IMMP2L: variants seen among roughly 807,000 people sequenced by gnomAD.
IMMP2L encodes mitochondrial inner membrane protease subunit 2.
In IMMP2L, 18 loss-of-function variants were observed where a neutral mutation model predicts 19.3. The ratio of observed to expected loss-of-function variants is 0.93; its 90% confidence interval spans 0.64 to 1.38. IMMP2L has a LOEUF of 1.38. Ranked by LOEUF, IMMP2L falls within the 40% of genes most tolerant of loss-of-function variation. The probability of loss-of-function intolerance (pLI) is 0.00; values close to 1 mark genes in which losing one functional copy is unlikely to be tolerated. For missense variants in IMMP2L, 233 were observed against 218.2 expected (o/e 1.07, Z -0.43); for synonymous variants, 76 against 73.0 (o/e 1.04, Z -0.21).
At chr7:110,901,356 A>T (rs1382472809) in intron 4 of IMMP2L, among the ~76,000 whole-genome samples, 1 of 152,180 alleles carries the variant, frequency 6.6e-6, no homozygotes, top group African/African-American at 2.4e-5. Flanking sequence ...GGATTCTGGT[A>T]GTAGTCCTCT....
chr7:111,268,692 A>T (rs372158119), intron 3 of IMMP2L, among the ~76,000 whole-genome samples: 1 of 143,414 alleles, frequency 7.0e-6, no homozygotes, highest in South Asian at 2.2e-4. Context: ...TCCTGTGCTC[A>T]AACAATCCTC....
At chr7:111,394,708 A>C (rs1832702069) in intron 3 of IMMP2L, among the ~76,000 whole-genome samples, 1 of 152,170 alleles carries the variant, frequency 6.6e-6, no homozygotes, top group Non-Finnish European at 1.5e-5. Flanking sequence ...ACTAGCTACC[A>C]AATCAAAAAC....
At chr7:111,359,883 A>C (rs1829096638) in intron 3 of IMMP2L, among the ~76,000 whole-genome samples, 1 of 152,116 alleles carries the variant, frequency 6.6e-6, no homozygotes, top group South Asian at 2.1e-4. Context: ...TGAAAGATAA[A>C]TAGATGGTTA....
intron 3 of IMMP2L, among the ~76,000 whole-genome samples, chr7:111,179,256 A>G (rs1807432471): frequency 6.6e-6 from 1 of 152,098 alleles, no homozygotes; most frequent in Non-Finnish European, 1.5e-5. Context: ...AATATTTAGT[A>G]AACCATGCTA....
At chr7:111,239,587 T>C (rs1261624169) in intron 3 of IMMP2L, among the ~76,000 whole-genome samples, 2 of 151,960 alleles carry the variant, frequency 1.3e-5, no homozygotes, top group Non-Finnish European at 2.9e-5. Context: ...GACAACCACA[T>C]GATGCAGAAT....
chr7:110,715,744 G>GCC (rs537161605), intron 5 of IMMP2L, among the ~76,000 whole-genome samples: 231 of 152,202 alleles, frequency 1.5e-3, no homozygotes, highest in Non-Finnish European at 2.2e-3. Context: ...GATGGGTTGA[G>GCC]CGCTCTGTAG....
At chr7:111,191,848 A>G (rs1271507319) in intron 3 of IMMP2L, among the ~76,000 whole-genome samples, 1 of 152,096 alleles carries the variant, frequency 6.6e-6, no homozygotes, top group Admixed American at 6.6e-5. Context: ...GGTTAAGGAT[A>G]AGTCCATTTA....
At chr7:111,080,527 A>C (rs1795803871) in intron 3 of IMMP2L, among the ~76,000 whole-genome samples, 1 of 151,868 alleles carries the variant, frequency 6.6e-6, no homozygotes, top group South Asian at 2.1e-4. Flanking sequence ...TATAATATAT[A>C]TTACATATGT....
intron 4 of IMMP2L, among the ~76,000 whole-genome samples, chr7:110,919,174 T>C (rs1813977182): frequency 6.6e-6 from 1 of 150,696 alleles, no homozygotes; most frequent in Admixed American, 6.6e-5. Flanking sequence ...ACTTTCCCTT[T>C]TCAGTATATT....
chr7:111,375,940 C>T (rs542457343), intron 3 of IMMP2L, among the ~76,000 whole-genome samples: 2 of 152,172 alleles, frequency 1.3e-5, no homozygotes, highest in South Asian at 4.1e-4. Flanking sequence ...AATAGTAATA[C>T]AAGAAACCTA....
At chr7:111,290,394 T>C (rs145693396) in intron 3 of IMMP2L, among the ~76,000 whole-genome samples, 26 of 152,298 alleles carry the variant, frequency 1.7e-4, no homozygotes, top group African/African-American at 6.3e-4. Flanking sequence ...ACTGCCTATA[T>C]ACTTGGTAAA....
chr7:110,885,998 T>A (rs1440704860), intron 5 of IMMP2L, among the ~76,000 whole-genome samples: 1 of 152,162 alleles, frequency 6.6e-6, no homozygotes, highest in South Asian at 2.1e-4. Context: ...TAAAAGTATG[T>A]ACGTTTTTCC....
chr7:111,088,498 AAAG>A (rs1353607441), intron 3 of IMMP2L, among the ~76,000 whole-genome samples: 1 of 152,128 alleles, frequency 6.6e-6, no homozygotes, highest in African/African-American at 2.4e-5. Context: ...AGAAGGAAGA[AAAG>A]AAGGAGAAGA....
chr7:110,900,281 T>C (rs1048777876), intron 4 of IMMP2L, among the ~76,000 whole-genome samples: 1 of 152,184 alleles, frequency 6.6e-6, no homozygotes, highest in African/African-American at 2.4e-5. Flanking sequence ...TGTTGTCCTC[T>C]AAATGTAAAT....
At chr7:111,453,770 T>C (rs938392285) in intron 3 of IMMP2L, among the ~76,000 whole-genome samples, 3 of 152,138 alleles carry the variant, frequency 2.0e-5, no homozygotes, top group Admixed American at 6.5e-5. Context: ...CAAAACTCAA[T>C]CCTTCCTGTT....
chr7:110,852,231 T>C (rs1355702548), intron 5 of IMMP2L, among the ~76,000 whole-genome samples: 3 of 151,722 alleles, frequency 2.0e-5, no homozygotes, highest in African/African-American at 7.3e-5. Context: ...GATGGATGGA[T>C]GGATGGATGG....
chr7:111,070,710 T>C (rs1762178638), intron 3 of IMMP2L, among the ~76,000 whole-genome samples: 2 of 152,196 alleles, frequency 1.3e-5, no homozygotes, highest in Non-Finnish European at 2.9e-5. Context: ...GTGGCCATAT[T>C]TGGACAATAT....
intron 5 of IMMP2L, among the ~76,000 whole-genome samples, chr7:110,876,763 T>C (rs1195900017): frequency 6.6e-6 from 1 of 152,124 alleles, no homozygotes; most frequent in Admixed American, 6.6e-5. Context: ...TTTCTACCTA[T>C]ATCCCATTTC....
intron 3 of IMMP2L, among the ~76,000 whole-genome samples, chr7:110,985,500 T>C (rs1821763029): frequency 6.6e-6 from 1 of 152,148 alleles, no homozygotes; most frequent in South Asian, 2.1e-4. Context: ...GGAACAAAGA[T>C]GCAGAGTTTC....
Sources: gnomAD v4.1 joint callset for allele counts (sites outside exome capture counted in the v4.1 genomes callset) on GRCh38, gnomAD v4.1.1 for gene constraint, MANE v1.5 for transcripts, NCBI Gene and HGNC (gene_info 2026-07-23, HGNC 2026-07-21) for gene names.